The following NKAIN2 variants were observed in gnomAD, a reference collection of about 807,000 sequenced individuals.
NKAIN2 encodes the protein sodium/potassium-transporting ATPase subunit beta-1-interacting protein 2.
A neutral mutation model predicts 32.6 loss-of-function variants in NKAIN2; 14 were observed. That is an observed-to-expected ratio of 0.43 (90% CI 0.28 to 0.67). The LOEUF (loss-of-function observed/expected upper bound fraction) is 0.67. Among genes scored for constraint, NKAIN2 ranks in the 30% least tolerant of loss-of-function variants. NKAIN2 has a pLI of 0.17. For missense variants in NKAIN2, 198 were observed against 258.3 expected (o/e 0.77, Z 1.60); for synonymous variants, 80 against 87.2 (o/e 0.92, Z 0.46).
chr6:124,603,172 C>T (rs898712323), intron 3 of NKAIN2, among the ~76,000 whole-genome samples: 1 of 152,028 alleles, frequency 6.6e-6, no homozygotes, highest in East Asian at 1.9e-4. Flanking sequence ...AAATGAGTAG[C>T]CCAAAGCCAT....
rs190727087 is a variant in NKAIN2 at position 124,387,605 on chromosome 6, G to A, written c.273+32258G>A. Among the ~76,000 whole-genome samples, 39 of 152,180 alleles carry A rather than the reference G, an allele frequency of 2.6e-4. No homozygotes were observed. The East Asian group carries it at 5.6e-3, about 22-fold the overall frequency. On this transcript the variant is annotated intron_variant, in intron 3 of 6. Coordinates refer to ENST00000368417, the MANE Select transcript of NKAIN2 (RefSeq NM_001040214.3). ...AACAAAATTCCAGTCTAATGTTTGT[G>A]TATAGCTTTTGTGTTTGCAAAATTG...
chr6:124,084,401 G>A lies in NKAIN2; in HGVS notation c.55-198604G>A, dbSNP rs560257792. Among the ~76,000 whole-genome samples the A allele has an allele frequency of 2.1e-4, 32 of 151,832 alleles. 1 individual carries two copies. The South Asian group carries it at 6.2e-3, about 30-fold the overall frequency. On this transcript the variant is annotated intron_variant, in intron 1 of 6. Coordinates refer to ENST00000368417, the MANE Select transcript of NKAIN2 (RefSeq NM_001040214.3). ...ACAGGTTTGTAGCTTAGGAGCAATA[G>A]GCTACAGAACATGGCCTAGACGTAT...
At chr6:124,640,768 C>A (rs1376596092) in intron 3 of NKAIN2, among the ~76,000 whole-genome samples, 1 of 152,150 alleles carries the variant, frequency 6.6e-6, no homozygotes, top group Non-Finnish European at 1.5e-5. Flanking sequence ...GATTTTGAGC[C>A]TGGAAGTTCG....
intron 3 of NKAIN2, among the ~76,000 whole-genome samples, chr6:124,565,490 T>A (rs1031777190): frequency 4.6e-5 from 7 of 152,228 alleles, no homozygotes; most frequent in African/African-American, 1.7e-4. Flanking sequence ...TCTAAATAGC[T>A]ATTTTATCTC....
At chr6:124,737,409 A>G (rs950577928) in intron 4 of NKAIN2, among the ~76,000 whole-genome samples, 13 of 151,814 alleles carry the variant, frequency 8.6e-5, no homozygotes, top group Admixed American at 8.5e-4. Context: ...CCATGATTGT[A>G]AGTTTCCTGA....
At chr6:123,946,738 T>G (rs550674598) in intron 1 of NKAIN2, among the ~76,000 whole-genome samples, 1 of 152,302 alleles carries the variant, frequency 6.6e-6, no homozygotes, top group East Asian at 1.9e-4. Flanking sequence ...GGGTTGATTT[T>G]CCTTCTTTCC....
At chr6:124,441,777 T>A (rs1024650240) in intron 3 of NKAIN2, among the ~76,000 whole-genome samples, 3 of 152,034 alleles carry the variant, frequency 2.0e-5, no homozygotes, top group Non-Finnish European at 4.4e-5. Flanking sequence ...TGTGCAGCGA[T>A]AAATAAACAA....
intron 4 of NKAIN2, among the ~76,000 whole-genome samples, chr6:124,778,865 C>T (rs115766343): frequency 0.021 from 3,192 of 152,176 alleles, 95 homozygotes; most frequent in African/African-American, 0.071. Flanking sequence ...AAACTACCTT[C>T]CTTCTTGTAG....
chr6:124,003,860 T>G (rs908124989), intron 1 of NKAIN2, among the ~76,000 whole-genome samples: 2 of 152,074 alleles, frequency 1.3e-5, no homozygotes, highest in Non-Finnish European at 2.9e-5. Context: ...AAATACAGAG[T>G]ACATGCTTAA....
At chr6:124,117,733 A>G (rs1356511239) in intron 1 of NKAIN2, among the ~76,000 whole-genome samples, 2 of 151,918 alleles carry the variant, frequency 1.3e-5, no homozygotes, top group Non-Finnish European at 2.9e-5. Flanking sequence ...ATTATGATTT[A>G]TGATTTAACT....
At chr6:124,381,321 T>G (rs1251842663) in intron 3 of NKAIN2, among the ~76,000 whole-genome samples, 1 of 152,206 alleles carries the variant, frequency 6.6e-6, no homozygotes, top group Non-Finnish European at 1.5e-5. Context: ...GTTTTAATTT[T>G]TATATCTATA....
intron 3 of NKAIN2, among the ~76,000 whole-genome samples, chr6:124,443,537 G>C (rs1271160173): frequency 6.6e-6 from 1 of 152,030 alleles, no homozygotes; most frequent in Non-Finnish European, 1.5e-5. Flanking sequence ...GTAGTTTACT[G>C]TCATTGACCA....
At chr6:124,342,237 T>TAAA (rs532210636) in intron 2 of NKAIN2, among the ~76,000 whole-genome samples, 3 of 143,256 alleles carry the variant, frequency 2.1e-5, no homozygotes, top group African/African-American at 5.1e-5. Flanking sequence ...CCGTGTCTAC[T>TAAA]AAAAAAAAAA....
intron 1 of NKAIN2, among the ~76,000 whole-genome samples, chr6:124,021,812 A>G (rs1429225809): frequency 6.6e-6 from 1 of 152,058 alleles, no homozygotes. Context: ...TACTGCCTTT[A>G]ATTATATTAA....
chr6:124,706,818 GT>G (rs1374827103), intron 4 of NKAIN2, among the ~76,000 whole-genome samples: 3 of 151,786 alleles, frequency 2.0e-5, no homozygotes, highest in African/African-American at 7.3e-5. Context: ...ATTAAAGGAT[GT>G]TTTCTTTATT....
intron 1 of NKAIN2, among the ~76,000 whole-genome samples, chr6:123,871,506 C>A (rs150762957): frequency 6.6e-6 from 1 of 152,136 alleles, no homozygotes; most frequent in Non-Finnish European, 1.5e-5. Context: ...CCTCCTCCCC[C>A]CAGTTGAATG....
chr6:124,148,376 A>T (rs2114375821), intron 1 of NKAIN2, among the ~76,000 whole-genome samples: 1 of 152,230 alleles, frequency 6.6e-6, no homozygotes, highest in East Asian at 1.9e-4. Context: ...ATCAAAAAGA[A>T]ACTCCATCTC....
rs138609202 is a variant in NKAIN2, at chr6:124,005,965, T to C, written c.54+201711T>C. Among the ~76,000 whole-genome samples the C allele has an allele frequency of 4.2e-3, 639 of 152,338 alleles. 8 individuals are homozygous for C. The highest frequency in any genetic ancestry group is 0.014 in the African/African-American group (597 of 41,586). On this transcript the variant is annotated intron_variant, in intron 1 of 6. Transcript: ENST00000368417. ...CTGTAGGATTCCTGTGACAGACTTC[T>C]AACTAGTCCTCTGTCTCTGACTTGC...
intron 1 of NKAIN2, among the ~76,000 whole-genome samples, chr6:124,141,961 G>A (rs1327631773): frequency 6.6e-6 from 1 of 152,176 alleles, no homozygotes; most frequent in African/African-American, 2.4e-5. Flanking sequence ...GCTGTGTTCA[G>A]AACTGGTCTA....
Sources: allele counts gnomAD v4.1 joint callset (sites outside exome capture counted in the v4.1 genomes callset), GRCh38; gene constraint gnomAD v4.1.1; transcripts MANE v1.5; gene names NCBI Gene and HGNC (gene_info 2026-07-23, HGNC 2026-07-21).